NME7: variants seen among roughly 807,000 people sequenced by gnomAD.
The protein encoded by NME7 is NME/NM23 family member 7.
In NME7, 41 loss-of-function variants were observed where a neutral mutation model predicts 49.1. The observed-to-expected ratio is 0.83, with a 90% confidence interval of 0.65 to 1.08. The LOEUF is 1.08. Among genes scored for constraint, NME7 ranks in the 50% least tolerant of loss-of-function variants. The pLI, the probability that NME7 is intolerant of heterozygous loss-of-function variation, is 0.00. For synonymous variants in NME7, 139 were observed against 150.6 expected (o/e 0.92, Z 0.56); for missense variants, 423 against 463.4 (o/e 0.91, Z 0.80).
At chr1:169,226,804 C>A (rs1647358908) in intron 10 of NME7, among the ~76,000 whole-genome samples, 1 of 152,080 alleles carries the variant, frequency 6.6e-6, no homozygotes, top group Non-Finnish European at 1.5e-5. Context: ...CTAAAGATAA[C>A]CACTGTTAAC....
chr1:169,209,385 G>A (rs1401296499), intron 10 of NME7, among the ~76,000 whole-genome samples: 2 of 152,030 alleles, frequency 1.3e-5, no homozygotes, highest in Non-Finnish European at 2.9e-5. Flanking sequence ...AAAGGCTTTG[G>A]TGTTTTAATT....
chr1:169,318,409 G>A (rs1164644797), intron 3 of NME7, among the ~76,000 whole-genome samples: 1 of 152,130 alleles, frequency 6.6e-6, no homozygotes, highest in Non-Finnish European at 1.5e-5. Flanking sequence ...AAAAAGAGAA[G>A]AGAAATAAGA....
At chr1:169,170,166 TACTCGAG>T (rs1394020574) in intron 10 of NME7, among the ~76,000 whole-genome samples, 1 of 152,206 alleles carries the variant, frequency 6.6e-6, no homozygotes. Context: ...AGTTAAAAGA[TACTCGAG>T]ACTGAGATTA....
intron 1 of NME7, among the ~76,000 whole-genome samples, chr1:169,355,314 T>C (rs1313803838): frequency 4.6e-5 from 5 of 108,758 alleles, no homozygotes; most frequent in Admixed American, 1.4e-4. Flanking sequence ...TAATATATTG[T>C]ATATTATATA....
chr1:169,345,522 C>T (rs563384463), intron 1 of NME7, among the ~76,000 whole-genome samples: 1 of 152,160 alleles, frequency 6.6e-6, no homozygotes, highest in East Asian at 1.9e-4. Flanking sequence ...TGAACCATCA[C>T]ACTCTGCCTT....
At chr1:169,280,673 G>A (rs1408671313) in intron 7 of NME7, among the ~76,000 whole-genome samples, 2 of 147,642 alleles carry the variant, frequency 1.4e-5, no homozygotes, top group African/African-American at 4.9e-5. Context: ...TTCTGCATAT[G>A]GCTAGCCAGT....
chr1:169,277,628 G>C (rs1235994734), intron 7 of NME7, among the ~76,000 whole-genome samples: 1 of 87,530 alleles, frequency 1.1e-5, no homozygotes, highest in African/African-American at 3.8e-5. Context: ...GATGGGTCTT[G>C]ACTCTTTATC....
At chr1:169,192,733 C>T (rs538672678) in intron 10 of NME7, among the ~76,000 whole-genome samples, 1 of 152,134 alleles carries the variant, frequency 6.6e-6, no homozygotes, top group South Asian at 2.1e-4. Flanking sequence ...TTGGTCTGAA[C>T]AACTTAGTTA....
intron 7 of NME7, among the ~76,000 whole-genome samples, chr1:169,247,446 T>C (rs1160483675): frequency 1.3e-5 from 2 of 152,226 alleles, no homozygotes; most frequent in Admixed American, 6.5e-5. Flanking sequence ...AATGTTATTA[T>C]GCAGGGGCTA....
intron 7 of NME7, among the ~76,000 whole-genome samples, chr1:169,252,213 C>T (rs1263176510): frequency 6.6e-6 from 1 of 151,706 alleles, no homozygotes; most frequent in Non-Finnish European, 1.5e-5. Flanking sequence ...CACATCCCCT[C>T]CAGCACCTGT....
At chr1:169,281,886 C>T (rs1451180434) in intron 7 of NME7, among the ~76,000 whole-genome samples, 1 of 152,164 alleles carries the variant, frequency 6.6e-6, no homozygotes, top group African/African-American at 2.4e-5. Context: ...AGATGTTCAT[C>T]AGGGATATTG....
intron 9 of NME7, among the ~76,000 whole-genome samples, chr1:169,232,113 A>G (rs1434437794): frequency 6.6e-6 from 1 of 152,344 alleles, no homozygotes; most frequent in East Asian, 1.9e-4. Context: ...CTTGGTGAGG[A>G]GAAAATAAAA....
chr1:169,165,708 G>C (rs370158851), intron 11 of NME7, among the ~76,000 whole-genome samples: 3 of 152,310 alleles, frequency 2.0e-5, no homozygotes, highest in Admixed American at 6.5e-5. Flanking sequence ...CCTATAGCCA[G>C]ATACCTCATT....
At position 169,277,053 on chromosome 1, in the gene NME7, C is replaced by G. The variant is rs373423182; in HGVS notation, c.754+10250G>C. On this transcript the variant is annotated intron_variant, in intron 7 of 11. Coordinates refer to ENST00000367811, the MANE Select transcript of NME7 (RefSeq NM_013330.5). ...TTTGATTGCACTGTGGTCTGAGAGA[C>G]AGTTTGTTATAATTTCTGTTCTTTT... 1.3e-5 allele frequency among the ~76,000 whole-genome samples: 2 copies of G among 149,616 alleles called. 1 individual carries two copies. Among genetic ancestry groups the G allele is most frequent in the Non-Finnish European group, 3.0e-5 (2 of 67,124 alleles).
At chr1:169,192,201 C>A (rs1427980528) in intron 10 of NME7, among the ~76,000 whole-genome samples, 1 of 152,066 alleles carries the variant, frequency 6.6e-6, no homozygotes, top group African/African-American at 2.4e-5. Flanking sequence ...CAATTAACGG[C>A]ATAGGAGTTT....
intron 11 of NME7, among the ~76,000 whole-genome samples, chr1:169,134,345 T>C (rs1658357346): frequency 1.3e-5 from 2 of 152,208 alleles, no homozygotes; most frequent in Non-Finnish European, 2.9e-5. Flanking sequence ...AGATGACATA[T>C]TTCATGGGTG....
At chr1:169,330,024 G>T (rs939873779) in intron 1 of NME7, among the ~76,000 whole-genome samples, 2 of 152,110 alleles carry the variant, frequency 1.3e-5, no homozygotes, top group African/African-American at 4.8e-5. Context: ...CAGGCCAGGA[G>T]AGAGTGTCAT....
At chr1:169,310,178 C>A in intron 3 of NME7, 98 bp from the exon 4 acceptor site, 1 of 728,198 alleles carries the variant, frequency 1.4e-6, no homozygotes, top group Non-Finnish European at 2.2e-6. Flanking sequence ...CATCCTAGAT[C>A]ATCAAAATTT....
At chr1:169,148,295 A>G (rs1200161) in intron 11 of NME7, among the ~76,000 whole-genome samples, 104,197 of 152,024 alleles carry the variant, frequency 0.69, 36,308 homozygotes, top group East Asian at 0.93. Flanking sequence ...GAACCACTGC[A>G]CCCGGACTCA....
Sources: allele counts gnomAD v4.1 joint callset (sites outside exome capture counted in the v4.1 genomes callset), GRCh38; gene constraint gnomAD v4.1.1; transcripts MANE v1.5; gene names NCBI Gene and HGNC (gene_info 2026-07-23, HGNC 2026-07-21).